The following PEMT variants were observed in gnomAD, a reference collection of about 807,000 sequenced individuals.
PEMT encodes the protein phosphatidylethanolamine N-methyltransferase.
PEMT carries 23 observed loss-of-function variants against 27.4 expected under a neutral mutation model. That is an observed-to-expected ratio of 0.84 (90% CI 0.60 to 1.19). PEMT has a LOEUF of 1.19. PEMT is among the 50% of genes most tolerant of loss of function. The pLI is 0.00. For missense variants in PEMT, 307 were observed against 310.1 expected (o/e 0.99, Z 0.07); for synonymous variants, 137 against 139.1 (o/e 0.98, Z 0.11).
At chr17:17,506,956 G>A in intron 5 of PEMT, 1 of 580,392 alleles carries the variant, frequency 1.7e-6, no homozygotes, top group East Asian at 2.9e-5. Context: ...CCCCAGCCCA[G>A]AGGACGGGAG....
At chr17:17,567,886 G>A (rs973327765) in intron 2 of PEMT, among the ~76,000 whole-genome samples, 1 of 152,250 alleles carries the variant, frequency 6.6e-6, no homozygotes, top group African/African-American at 2.4e-5. Flanking sequence ...CCTGGCAGAG[G>A]ACGACGCTTT....
At chr17:17,537,849 C>T (rs1250503861) in intron 2 of PEMT, among the ~76,000 whole-genome samples, 2 of 152,204 alleles carry the variant, frequency 1.3e-5, no homozygotes, top group South Asian at 4.1e-4. Flanking sequence ...GGTGTCTTTC[C>T]TTCCCGCCAC....
chr17:17,587,703 A>G (rs529594171), intron 1 of PEMT, among the ~76,000 whole-genome samples: 6 of 152,198 alleles, frequency 3.9e-5, no homozygotes, highest in Admixed American at 6.5e-5. Flanking sequence ...TAAAAATACA[A>G]AAAACAAAAC....
intron 2 of PEMT, among the ~76,000 whole-genome samples, chr17:17,539,815 C>T (rs1279837037): frequency 1.3e-5 from 2 of 152,204 alleles, no homozygotes; most frequent in Non-Finnish European, 2.9e-5. Flanking sequence ...CCCTGTATCA[C>T]CACCCTCTGT....
intron 2 of PEMT, among the ~76,000 whole-genome samples, chr17:17,546,655 C>A (rs543337464): frequency 6.6e-6 from 1 of 152,348 alleles, no homozygotes; most frequent in South Asian, 2.1e-4. Context: ...CGCCTGCCTT[C>A]GTCCGACCCT....
intron 2 of PEMT, among the ~76,000 whole-genome samples, chr17:17,540,374 C>T (rs1267575719): frequency 1.3e-5 from 2 of 152,230 alleles, no homozygotes; most frequent in African/African-American, 4.8e-5. Context: ...GGTGAAAGCA[C>T]CAACTTCGGG....
At chr17:17,537,378 C>A (rs1408494365) in intron 2 of PEMT, among the ~76,000 whole-genome samples, 1 of 152,226 alleles carries the variant, frequency 6.6e-6, no homozygotes, top group African/African-American at 2.4e-5. Flanking sequence ...CCTGCAGGTT[C>A]CCAACCCCTG....
chr17:17,576,881 A>G (rs2124344), intron 2 of PEMT, 39 bp downstream of exon 2: 886,488 of 1,525,354 alleles, frequency 0.58, 262,631 homozygotes, highest in African/African-American at 0.79. Flanking sequence ...CCAAGCAGTG[A>G]GATACTCCCG....
chr17:17,510,667 C>T (rs529781997), intron 4 of PEMT, among the ~76,000 whole-genome samples: 2 of 152,330 alleles, frequency 1.3e-5, no homozygotes, highest in South Asian at 2.1e-4. Flanking sequence ...GCTGCTGGTC[C>T]TCGGTGTTTC....
chr17:17,572,793 T>G (rs1361322344), intron 2 of PEMT, among the ~76,000 whole-genome samples: 1 of 152,250 alleles, frequency 6.6e-6, no homozygotes, highest in Non-Finnish European at 1.5e-5. Context: ...TAACAGCATT[T>G]GCTGTGAAGA....
intron 2 of PEMT, among the ~76,000 whole-genome samples, chr17:17,549,605 C>A (rs1193542480): frequency 6.6e-6 from 1 of 152,246 alleles, no homozygotes; most frequent in African/African-American, 2.4e-5. Context: ...CCACTGTGCC[C>A]AGCCAACCGT....
At chr17:17,586,346 C>A (rs181857886) in intron 1 of PEMT, among the ~76,000 whole-genome samples, 157 of 151,710 alleles carry the variant, frequency 1.0e-3, no homozygotes, top group African/African-American at 3.7e-3. Flanking sequence ...GCAGCGCCAT[C>A]CAGTGGCTGG....
intron 2 of PEMT, among the ~76,000 whole-genome samples, chr17:17,541,431 C>A (rs1370713937): frequency 6.6e-6 from 1 of 152,254 alleles, no homozygotes; most frequent in Non-Finnish European, 1.5e-5. Flanking sequence ...CCTGTCCCCA[C>A]TTAGCTCCCA....
At chr17:17,521,156 T>A (rs1215353090) in intron 3 of PEMT, among the ~76,000 whole-genome samples, 1 of 152,206 alleles carries the variant, frequency 6.6e-6, no homozygotes, top group Non-Finnish European at 1.5e-5. Flanking sequence ...CAGTGAGCGC[T>A]CCACGTGGGG....
intron 3 of PEMT, among the ~76,000 whole-genome samples, chr17:17,515,558 C>T (rs1411382031): frequency 6.6e-6 from 1 of 152,194 alleles, no homozygotes; most frequent in Non-Finnish European, 1.5e-5. Flanking sequence ...CTGGGCTGAG[C>T]TCCTCCCTGG....
intron 2 of PEMT, among the ~76,000 whole-genome samples, chr17:17,531,373 T>C (rs1908080424): frequency 6.6e-6 from 1 of 151,984 alleles, no homozygotes; most frequent in African/African-American, 2.4e-5. Context: ...GGTCTCAGTC[T>C]GTCTCAGTAG....
intron 2 of PEMT, among the ~76,000 whole-genome samples, chr17:17,545,816 G>A (rs1366429789): frequency 6.6e-6 from 1 of 152,190 alleles, no homozygotes; most frequent in African/African-American, 2.4e-5. Context: ...ACCAAGGCAG[G>A]ATGTACTGGA....
At chr17:17,549,048 CCAGATTGGAGTA>C (rs1909462578) in intron 2 of PEMT, among the ~76,000 whole-genome samples, 2 of 152,250 alleles carry the variant, frequency 1.3e-5, no homozygotes, top group South Asian at 4.1e-4. Flanking sequence ...ACAAGGTAAC[CCAGATTGGAGTA>C]CAGTGGCACA....
intron 2 of PEMT, among the ~76,000 whole-genome samples, chr17:17,537,598 G>C (rs1908574013): frequency 6.6e-6 from 1 of 152,220 alleles, no homozygotes; most frequent in South Asian, 2.1e-4. Flanking sequence ...TGCTCTGCAC[G>C]TGGCCACCTC....
Sources: gnomAD v4.1 joint callset for allele counts (sites outside exome capture counted in the v4.1 genomes callset) on GRCh38, gnomAD v4.1.1 for gene constraint, MANE v1.5 for transcripts, NCBI Gene and HGNC (gene_info 2026-07-23, HGNC 2026-07-21) for gene names.